Variants in ZBTB7C observed in about 807,000 individuals in gnomAD.
The protein encoded by ZBTB7C is zinc finger and BTB domain containing 7C.
Under a neutral mutation model 25.7 loss-of-function variants are expected in ZBTB7C, and 8 were observed. The ratio of observed to expected loss-of-function variants is 0.31; its 90% confidence interval spans 0.18 to 0.56. The LOEUF is 0.56. Among genes scored for constraint, ZBTB7C ranks in the 20% least tolerant of loss-of-function variants. The pLI, the probability that ZBTB7C is intolerant of heterozygous loss-of-function variation, is 0.91. For synonymous variants in ZBTB7C, 394 were observed against 369.0 expected (o/e 1.07, Z -0.78); for missense variants, 824 against 855.2 (o/e 0.96, Z 0.46).
chr18:48,227,252 G>T (rs2043127635), intron 2 of ZBTB7C, among the ~76,000 whole-genome samples: 1 of 152,186 alleles, frequency 6.6e-6, no homozygotes, highest in Non-Finnish European at 1.5e-5. Flanking sequence ...AGATGCCACT[G>T]TGTCCACCAG....
At chr18:48,306,976 A>G (rs1410587054) in intron 2 of ZBTB7C, among the ~76,000 whole-genome samples, 2 of 152,068 alleles carry the variant, frequency 1.3e-5, no homozygotes, top group African/African-American at 4.8e-5. Context: ...CGATCTGCCA[A>G]CTATCTGCCA....
intron 3 of ZBTB7C, among the ~76,000 whole-genome samples, chr18:48,129,231 G>A (rs1261868984): frequency 1.3e-5 from 2 of 150,900 alleles, no homozygotes; most frequent in Non-Finnish European, 2.9e-5. Flanking sequence ...GGAGAGTGGT[G>A]AAAAACCAAA....
At chr18:48,032,079 C>A (rs1340175081) in intron 4 of ZBTB7C, among the ~76,000 whole-genome samples, 1 of 152,136 alleles carries the variant, frequency 6.6e-6, no homozygotes, top group Admixed American at 6.5e-5. Flanking sequence ...CATCTCATTA[C>A]TCCTCACCAC....
intron 1 of ZBTB7C, among the ~76,000 whole-genome samples, chr18:48,392,011 C>T (rs1277967427): frequency 1.3e-5 from 2 of 152,202 alleles, no homozygotes; most frequent in Admixed American, 6.5e-5. Flanking sequence ...GTCTGTTGTA[C>T]CTACTTCTCC....
chr18:48,267,671 G>A (rs1372774144), intron 2 of ZBTB7C, among the ~76,000 whole-genome samples: 2 of 152,140 alleles, frequency 1.3e-5, no homozygotes, highest in Non-Finnish European at 2.9e-5. Flanking sequence ...GGTGTTAGAA[G>A]GTGGTGGAGC....
At chr18:48,075,830 G>C (rs1023668133) in intron 3 of ZBTB7C, among the ~76,000 whole-genome samples, 5 of 152,180 alleles carry the variant, frequency 3.3e-5, no homozygotes, top group African/African-American at 4.8e-5. Flanking sequence ...CTCCCAGCAC[G>C]TCCAGAAATC....
At chr18:48,029,978 C>T in intron 4 of ZBTB7C, 67 bp from the exon 5 acceptor site, 2 of 1,595,172 alleles carry the variant, frequency 1.3e-6, no homozygotes, top group Non-Finnish European at 8.5e-7. Flanking sequence ...CCTTTTGCTC[C>T]CCCTTTCTCC....
chr18:48,373,833 G>C (rs1015669242), intron 1 of ZBTB7C, among the ~76,000 whole-genome samples: 8 of 152,006 alleles, frequency 5.3e-5, no homozygotes, highest in African/African-American at 1.4e-4. Context: ...TGGTGGCGGG[G>C]GCCTGTAGTC....
At chr18:48,290,848 C>T (rs1237371278) in intron 2 of ZBTB7C, among the ~76,000 whole-genome samples, 1 of 152,244 alleles carries the variant, frequency 6.6e-6, no homozygotes, top group African/African-American at 2.4e-5. Flanking sequence ...CCTCCTCTTC[C>T]ACATAGGTGT....
intron 1 of ZBTB7C, among the ~76,000 whole-genome samples, chr18:48,367,198 TATATACACAC>T (rs1426457915): frequency 3.3e-4 from 20 of 60,968 alleles, no homozygotes; most frequent in African/African-American, 1.2e-3. Flanking sequence ...TATATATATA[TATATACACAC>T]ACACACACAC....
intron 3 of ZBTB7C, chr18:48,162,198 A>G (rs2041082841): frequency 2.9e-6 from 1 of 345,660 alleles, no homozygotes; most frequent in Admixed American, 3.5e-5. Flanking sequence ...CCCGAGGCGC[A>G]AACACCACCC....
intron 1 of ZBTB7C, among the ~76,000 whole-genome samples, chr18:48,376,319 A>G (rs1229333747): frequency 6.6e-6 from 1 of 152,236 alleles, no homozygotes; most frequent in Non-Finnish European, 1.5e-5. Flanking sequence ...TGCGACAGAA[A>G]AGATGATTCG....
intron 2 of ZBTB7C, among the ~76,000 whole-genome samples, chr18:48,275,910 G>C (rs1242966452): frequency 6.6e-6 from 1 of 152,096 alleles, no homozygotes; most frequent in Admixed American, 6.6e-5. Context: ...CTACAGACTT[G>C]TTTTCTCCCC....
chr18:48,214,720 A>T (rs1358210020), intron 2 of ZBTB7C, among the ~76,000 whole-genome samples: 2 of 152,192 alleles, frequency 1.3e-5, no homozygotes, highest in Non-Finnish European at 2.9e-5. Context: ...AAAGCCAAGA[A>T]CCCCAATTTT....
At chr18:48,159,232 T>G (rs542817194) in intron 3 of ZBTB7C, among the ~76,000 whole-genome samples, 21 of 152,326 alleles carry the variant, frequency 1.4e-4, no homozygotes, top group Middle Eastern at 6.8e-3. Flanking sequence ...CATGTGGTGG[T>G]TAAGCACACC....
chr18:48,370,500 C>G (rs571433317), intron 1 of ZBTB7C, among the ~76,000 whole-genome samples: 2 of 152,176 alleles, frequency 1.3e-5, no homozygotes, highest in Admixed American at 1.3e-4. Context: ...TCCATCTTGA[C>G]TATATTTACA....
At chr18:48,294,070 T>C (rs979988154) in intron 2 of ZBTB7C, among the ~76,000 whole-genome samples, 5 of 152,238 alleles carry the variant, frequency 3.3e-5, no homozygotes, top group Non-Finnish European at 5.9e-5. Context: ...ATGCGGTGTT[T>C]ACCTCCCTGG....
Position 48,049,578 on chromosome 18 carries a change from C to T in ZBTB7C, c.-16-8455G>A, listed in dbSNP as rs75389350. 8.6e-3 allele frequency among the ~76,000 whole-genome samples: 1,315 copies of T among 152,232 alleles called. 7 individuals are homozygous for T. Among genetic ancestry groups the T allele is most frequent in the Middle Eastern group, 0.041 (12 of 294 alleles). On this transcript the variant is annotated intron_variant, in intron 3 of 4. Transcript: ENST00000590800. ...CAGTGGGATGGCCCCAGCCCTCTGC[C>T]GTGGGATACCTGACATTTGAACAGA...
In ZBTB7C at chr18:48,202,518, G is replaced by T. The variant is rs1331854959; in HGVS notation, c.-78-16523C>A. ...GGCAGGATGAAGCCAGCTGGGCAGG[G>T]TCCTGGTGGCAGCGGGCTGCGAGGG... On this transcript the variant is annotated intron_variant, in intron 2 of 4. Coordinates refer to ENST00000590800, the MANE Select transcript of ZBTB7C (RefSeq NM_001318841.2). Among the ~76,000 whole-genome samples the T allele has an allele frequency of 6.6e-5, 10 of 151,686 alleles. No individual in the cohort carries two copies. In the East Asian group the frequency reaches 1.9e-3, roughly 30 times the overall value.
Sources: gnomAD v4.1 joint callset for allele counts (sites outside exome capture counted in the v4.1 genomes callset) on GRCh38, gnomAD v4.1.1 for gene constraint, MANE v1.5 for transcripts, NCBI Gene and HGNC (gene_info 2026-07-23, HGNC 2026-07-21) for gene names.